The following ANKRD55 variants were observed in gnomAD, a reference collection of about 807,000 sequenced individuals.
The protein encoded by ANKRD55 is ankyrin repeat domain 55.
In ANKRD55, 41 loss-of-function variants were observed where a neutral mutation model predicts 60.6. The observed-to-expected ratio is 0.68, with a 90% confidence interval of 0.53 to 0.88. The LOEUF (loss-of-function observed/expected upper bound fraction) is 0.88, where lower values mean the gene tolerates loss of function less well. ANKRD55 is among the 40% of genes least tolerant of loss of function. The pLI is 0.00. For missense variants in ANKRD55, 732 were observed against 767.6 expected (o/e 0.95, Z 0.55); for synonymous variants, 264 against 290.3 (o/e 0.91, Z 0.92).
At chr5:56,232,186 A>G (rs1760274445) in intron 2 of ANKRD55, among the ~76,000 whole-genome samples, 1 of 152,266 alleles carries the variant, frequency 6.6e-6, no homozygotes, top group Non-Finnish European at 1.5e-5. Context: ...CACATAGACC[A>G]CATGGCCAAA....
chr5:56,210,890 G>A (rs528962720), intron 2 of ANKRD55, among the ~76,000 whole-genome samples: 3 of 152,128 alleles, frequency 2.0e-5, no homozygotes, highest in Admixed American at 1.3e-4. Context: ...TCAGTTATTA[G>A]TTAATTCTCC....
At chr5:56,126,685 C>T (rs944819097) in intron 8 of ANKRD55, among the ~76,000 whole-genome samples, 2 of 152,124 alleles carry the variant, frequency 1.3e-5, no homozygotes, top group Non-Finnish European at 2.9e-5. Context: ...ACACAGAGAA[C>T]ATTTAGCAAA....
At chr5:56,233,012 G>T in intron 1 of ANKRD55, 66 bp from the exon 2 acceptor site, 1 of 1,118,074 alleles carries the variant, frequency 8.9e-7, no homozygotes, top group Non-Finnish European at 1.3e-6. Context: ...AGCATCGTTT[G>T]CCAAGACCTC....
chr5:56,205,680 T>A (rs188071749), intron 2 of ANKRD55, among the ~76,000 whole-genome samples: 96 of 152,302 alleles, frequency 6.3e-4, no homozygotes, highest in African/African-American at 2.2e-3. Flanking sequence ...GAAGGGGGTC[T>A]TCCTTGGATC....
intron 7 of ANKRD55, among the ~76,000 whole-genome samples, chr5:56,141,647 A>G (rs569195686): frequency 5.9e-5 from 9 of 152,188 alleles, no homozygotes; most frequent in Non-Finnish European, 1.2e-4. Context: ...GAGGGCACGG[A>G]AGCTCCATGC....
chr5:56,203,363 A>G (rs1451733224), intron 2 of ANKRD55, among the ~76,000 whole-genome samples: 1 of 152,122 alleles, frequency 6.6e-6, no homozygotes. Flanking sequence ...TATTATTATT[A>G]TACTTTAAGT....
intron 6 of ANKRD55, among the ~76,000 whole-genome samples, chr5:56,150,641 T>C (rs904018302): frequency 1.3e-5 from 2 of 152,094 alleles, no homozygotes; most frequent in Non-Finnish European, 1.5e-5. Context: ...CTCACACCTG[T>C]AATCCCAGCC....
chr5:56,149,530 T>C (rs1757989426), intron 6 of ANKRD55, among the ~76,000 whole-genome samples: 1 of 152,188 alleles, frequency 6.6e-6, no homozygotes, highest in African/African-American at 2.4e-5. Context: ...TTGATAGATT[T>C]AATTTTCAAC....
At chr5:56,212,362 C>CTT (rs1759696727) in intron 2 of ANKRD55, among the ~76,000 whole-genome samples, 1 of 152,036 alleles carries the variant, frequency 6.6e-6, no homozygotes. Context: ...ATAAAAAGTG[C>CTT]TTATCTATTT....
intron 3 of ANKRD55, 69 bp from the exon 4 acceptor site, chr5:56,176,351 G>T: frequency 6.3e-7 from 1 of 1,582,726 alleles, no homozygotes; most frequent in Non-Finnish European, 8.7e-7. Context: ...GGCTTTATTG[G>T]CCTGTTCATT....
At chr5:56,170,936 G>T in intron 4 of ANKRD55, 133 bp from the exon 5 acceptor site, 2 of 736,750 alleles carry the variant, frequency 2.7e-6, no homozygotes, top group Non-Finnish European at 4.4e-6. Context: ...AAGTGGTTAA[G>T]AACCACAACT....
At chr5:56,121,442 G>T (rs771050406) in intron 8 of ANKRD55, among the ~76,000 whole-genome samples, 1 of 146,210 alleles carries the variant, frequency 6.8e-6, no homozygotes, top group African/African-American at 2.6e-5. Flanking sequence ...GCACAATCTC[G>T]GCTCACTGCA....
At chr5:56,228,427 CT>C (rs112399991) in intron 2 of ANKRD55, among the ~76,000 whole-genome samples, 671 of 137,516 alleles carry the variant, frequency 4.9e-3, no homozygotes, top group African/African-American at 7.0e-3. Context: ...CCCCAGCTGA[CT>C]TTTTTTTTTT....
At position 56,224,054 on chromosome 5, in the gene ANKRD55, G is replaced by A. The variant is rs542847037; in HGVS notation, c.58+8802C>T. Among the ~76,000 whole-genome samples, 168 of 152,120 alleles carry A rather than the reference G, an allele frequency of 1.1e-3. 3 individuals are homozygous for A. In the Middle Eastern group the frequency reaches 0.027, roughly 25 times the overall value. On this transcript the variant is annotated intron_variant, in intron 2 of 11. Coordinates refer to ENST00000341048, the MANE Select transcript of ANKRD55 (RefSeq NM_024669.3). ...TATACATTCTTCTCAGCACCACACC[G>A]CACTTATTCCAAAATTGACCACATA...
intron 2 of ANKRD55, among the ~76,000 whole-genome samples, chr5:56,215,170 T>C (rs576487377): frequency 1.3e-5 from 2 of 152,350 alleles, no homozygotes; most frequent in South Asian, 4.1e-4. Flanking sequence ...AAGGTCCACT[T>C]GTTGCTGCAT....
rs116489353 is a variant in ANKRD55, at chr5:56,104,790, T to A, written c.1631-2204A>T. Among the ~76,000 whole-genome samples, 547 of 152,178 alleles carry A rather than the reference T, an allele frequency of 3.6e-3. 6 individuals carry two copies. The highest frequency in any genetic ancestry group is 0.012 in the African/African-American group (517 of 41,530). ...GCGTTCAGGAGGGGATTGCAATTGA[T>A]GTGGGAGGAAAGACAGGTAAACATA... On this transcript the variant is annotated intron_variant, in intron 10 of 11. Transcript: ENST00000341048.
intron 2 of ANKRD55, among the ~76,000 whole-genome samples, chr5:56,202,687 G>T (rs1759407547): frequency 6.6e-6 from 1 of 152,236 alleles, no homozygotes; most frequent in African/African-American, 2.4e-5. Context: ...TGGGGAGGAA[G>T]TCTTGCAACA....
At chr5:56,128,883 G>C (rs941041034) in intron 7 of ANKRD55, among the ~76,000 whole-genome samples, 2 of 152,126 alleles carry the variant, frequency 1.3e-5, no homozygotes, top group Non-Finnish European at 2.9e-5. Flanking sequence ...TAAAAAGAAT[G>C]GTCTATTAAT....
intron 2 of ANKRD55, among the ~76,000 whole-genome samples, chr5:56,229,388 C>T (rs1486523955): frequency 6.6e-6 from 1 of 152,118 alleles, no homozygotes; most frequent in African/African-American, 2.4e-5. Flanking sequence ...GTTCTGAAGA[C>T]CCAGGCTTCC....
Sources: gnomAD v4.1 joint callset for allele counts (sites outside exome capture counted in the v4.1 genomes callset) on GRCh38, gnomAD v4.1.1 for gene constraint, MANE v1.5 for transcripts, NCBI Gene and HGNC (gene_info 2026-07-23, HGNC 2026-07-21) for gene names.